Variants in KRT75 observed in about 807,000 individuals in gnomAD.
KRT75 encodes keratin, type II cytoskeletal 75.
In KRT75, 35 loss-of-function variants were observed where a neutral mutation model predicts 48.8. The observed-to-expected ratio is 0.72, with a 90% CI of 0.55 to 0.95. The LOEUF (loss-of-function observed/expected upper bound fraction) is 0.95. KRT75 is among the 40% of genes least tolerant of loss of function. The pLI is 0.00. For synonymous variants in KRT75, 301 were observed against 282.3 expected (o/e 1.07, Z -0.66); for missense variants, 776 against 709.9 (o/e 1.09, Z -1.06).
chr12:52,433,857 G>T lies in KRT75; in HGVS notation c.448C>A (p.Arg150Ser). The T allele has an allele frequency of 1.9e-6, 3 of 1,614,140 alleles. No individual in the cohort carries two copies. Among genetic ancestry groups the T allele is most frequent in the Non-Finnish European group, 1.7e-6 (2 of 1,180,018 alleles). The change falls in exon 1 of 9, where the codon CGC becomes AGC. Residue 150 changes from arginine to serine, a missense_variant. By Grantham distance (110) the Arg-to-Ser change is moderately radical. Coordinates refer to ENST00000252245, the MANE Select transcript of KRT75 (RefSeq NM_004693.3). ...TTGTTGAGGGTCTTGATCTGCTCGC[G>T]CTCCTCGGCCCGCACCCGCTGGATG... ...PTIQRVRAEE[R>S]EQIKTLNNKF...
In KRT75 at chr12:52,432,016, G is replaced by T. The variant is rs1940150900; in HGVS notation, c.764C>A (p.Ala255Asp). 6.2e-7 allele frequency: 1 copy of T among 1,613,974 alleles called. No homozygotes were observed. Among genetic ancestry groups the T allele is most frequent in the Admixed American group, 1.7e-5 (1 of 60,000 alleles). ...AACATCCCCACTCACCTTTTTCAGG[G>T]CTACAAATTCATTCTCAGCAGCTGT... ...KRTAAENEFV[A>D]LKKDVDAAYM... The change falls in exon 3 of 9, where the codon GCC (alanine) becomes GAC (aspartate). Residue 255 changes from alanine (A) to aspartate (D), a missense_variant. Ala to Asp is a moderately radical substitution (Grantham distance 126). Coordinates refer to ENST00000252245, the MANE Select transcript of KRT75 (RefSeq NM_004693.3).
intron 3 of KRT75, 150 bp downstream of exon 3, chr12:52,431,856 A>T (rs1565793068): frequency 2.4e-6 from 2 of 827,508 alleles, no homozygotes; most frequent in South Asian, 1.4e-5. Flanking sequence ...CCATCAACGT[A>T]GAGGGAACAT....
At chr12:52,426,722 A>T in intron 8 of KRT75, 95 bp downstream of exon 8, 1 of 1,261,080 alleles carries the variant, frequency 7.9e-7, no homozygotes. Flanking sequence ...GATCCCGTCT[A>T]ACCCGTCATA....
rs769852704 is a variant in KRT75, at chr12:52,430,611, T to C, written c.965A>G (p.Glu322Gly). ...RNLDLDSIIAEVKAQYEDIAN... is the reference protein window; with the variant it reads ...RNLDLDSIIAGVKAQYEDIAN... Reference sequence around the variant, plus strand: ...AATGTCCTCGTATTGTGCTTTGACCTCGGCGATGATACTATCCAGGTCCAG... The same window carrying C: ...AATGTCCTCGTATTGTGCTTTGACCCCGGCGATGATACTATCCAGGTCCAG... Residue 322 changes from glutamate to glycine, a missense_variant, in exon 5 of 9, where the codon GAG becomes GGG. By Grantham distance (98) the Glu-to-Gly change is moderately conservative. Coordinates refer to ENST00000252245, the MANE Select transcript of KRT75 (RefSeq NM_004693.3). The C allele has an allele frequency of 1.2e-6, 2 of 1,614,148 alleles. No homozygotes were observed. The highest frequency in any genetic ancestry group is 1.1e-5 in the South Asian group (1 of 91,082).
intron 7 of KRT75, 58 bp downstream of exon 7, chr12:52,428,198 C>T: frequency 6.2e-7 from 1 of 1,604,558 alleles, no homozygotes; most frequent in Admixed American, 1.7e-5. Flanking sequence ...TAGGAATGCC[C>T]AGGAAGCTGA....
Position 52,434,110 on chromosome 12 carries a change from C to A in KRT75, c.195G>T (p.Leu65=), listed in dbSNP as rs745459441. The part of the protein sequence containing the change: ...ASFGSRSLYN[L]GGAKRVSING... ...TGATGGAGACCCGCTTGGCACCCCC[C>A]AGGTTGTAGAGGCTGCGGCTTCCAA... Residue 65 remains leucine, a synonymous_variant, in exon 1 of 9, where the codon CTG becomes CTT. Transcript: ENST00000252245. 2 of 1,614,158 alleles carry A rather than the reference C, an allele frequency of 1.2e-6. No individual in the cohort carries two copies. The highest frequency in any genetic ancestry group is 1.7e-6 in the Non-Finnish European group (2 of 1,180,020).
intron 6 of KRT75, 57 bp downstream of exon 6, chr12:52,428,561 A>C (rs1052044238): frequency 1.1e-5 from 17 of 1,613,980 alleles, no homozygotes; most frequent in East Asian, 4.5e-5. Context: ...TAAAGATGGC[A>C]GAAAGGCCCA....
chr12:52,433,913 A>G lies in KRT75; in HGVS notation c.392T>C (p.Leu131Pro), dbSNP rs1399698403. 7 of 1,614,188 alleles carry G rather than the reference A, an allele frequency of 4.3e-6. No homozygotes were observed. Among genetic ancestry groups the G allele is most frequent in the Non-Finnish European group, 5.1e-6 (6 of 1,180,018 alleles). The change falls in exon 1 of 9, where the codon CTG becomes CCG. Residue 131 changes from leucine to proline, a missense_variant. Leu to Pro is a moderately conservative substitution (Grantham distance 98, BLOSUM62 -3). Coordinates refer to ENST00000252245, the MANE Select transcript of KRT75 (RefSeq NM_004693.3). ...GTCGATTTGCAGGTGAAGAGGAGTC[A>G]GGAGACTCTGGTTGACAGTGACCTC... ...IQEVTVNQSLLTPLHLQIDPT... is the reference protein window; with the variant it reads ...IQEVTVNQSLPTPLHLQIDPT...
Position 52,426,851 on chromosome 12 carries a change from C to A in KRT75, c.1383G>T (p.Arg461Ser). The change falls in exon 8 of 9, where the codon AGG becomes AGT. Residue 461 changes from arginine to serine, a missense_variant and splice_region_variant. Physicochemically the swap from Arg to Ser is moderately radical, Grantham distance 110. Transcript: ENST00000252245. ...YRKLLEGEEC[R>S]LSGEGVSPVN... ...CTGGAGAAACTCCCTCTCCACTCAA[C>A]CTGATTGGGAAGAGCAGGGAGAAGG... 1 of 1,613,950 alleles carries A rather than the reference C, an allele frequency of 6.2e-7. No homozygotes were observed. The highest frequency in any genetic ancestry group is 1.1e-5 in the South Asian group (1 of 91,074).
intron 7 of KRT75, 133 bp from the exon 8 acceptor site, chr12:52,426,984 A>G (rs1478272935): frequency 2.7e-6 from 2 of 748,944 alleles, no homozygotes; most frequent in Non-Finnish European, 4.7e-6. Flanking sequence ...GAAGTAATGC[A>G]GGTTGAAATT....
chr12:52,432,969 C>T (rs1204584039), intron 2 of KRT75, 69 bp downstream of exon 2: 2 of 1,499,284 alleles, frequency 1.3e-6, no homozygotes, highest in Admixed American at 1.7e-5. Flanking sequence ...CTCCTTTGCA[C>T]CTCTCTGGTC....
At chr12:52,430,028 T>C (rs1940123370) in intron 5 of KRT75, among the ~76,000 whole-genome samples, 1 of 152,186 alleles carries the variant, frequency 6.6e-6, no homozygotes, top group Non-Finnish European at 1.5e-5. Context: ...AGCAATCTTT[T>C]GTCCCTCATG....
intron 5 of KRT75, 85 bp downstream of exon 5, chr12:52,430,456 C>T (rs975153485): frequency 3.8e-5 from 53 of 1,380,414 alleles, no homozygotes; most frequent in Middle Eastern, 2.0e-4. Context: ...TGTGCTCACA[C>T]GTTTCCTGAG....
Position 52,434,167 on chromosome 12 carries a change from G to A in KRT75, c.138C>T (p.Gly46=), listed in dbSNP as rs1238236686. ...SVARSAAGSG[G]LGRISSAGAS... is the part of the protein sequence containing the mutation. Reference sequence around the variant, plus strand: ...CCCCAGCACTGCTGATCCTTCCCAGGCCCCCACTCCCTGCTGCAGAGCGGG... The same window carrying A: ...CCCCAGCACTGCTGATCCTTCCCAGACCCCCACTCCCTGCTGCAGAGCGGG... The change falls in exon 1 of 9, where the codon GGC becomes GGT. Residue 46 remains glycine (G), a synonymous_variant. Transcript: ENST00000252245. 4 of 1,613,048 alleles carry A rather than the reference G, an allele frequency of 2.5e-6. No homozygotes were observed. Among genetic ancestry groups the A allele is most frequent in the African/African-American group, 1.3e-5 (1 of 74,918 alleles).
chr12:52,426,795 C>A (rs775494193), intron 8 of KRT75, 22 bp downstream of exon 8: 2 of 1,613,186 alleles, frequency 1.2e-6, no homozygotes, highest in Non-Finnish European at 1.7e-6. Context: ...TCCAAATGGC[C>A]CAAGAAGTAT....
In KRT75 at chr12:52,434,121, G is replaced by C; in HGVS notation, c.184C>G (p.Leu62Val). Residue 62 changes from leucine (L) to valine (V), a missense_variant, in exon 1 of 9, where the codon CTC becomes GTC. Transcript: ENST00000252245. ...CGCTTGGCACCCCCCAGGTTGTAGA[G>C]GCTGCGGCTTCCAAAGCTGGCCCCA... ...SAGASFGSRS[L>V]YNLGGAKRVS... 1 of 1,614,140 alleles carries C rather than the reference G, an allele frequency of 6.2e-7. No homozygotes were observed. Among genetic ancestry groups the C allele is most frequent in the Non-Finnish European group, 8.5e-7 (1 of 1,180,022 alleles).
Position 52,428,669 on chromosome 12 carries a change from C to T in KRT75, c.1110G>A (p.Met370Ile). Residue 370 changes from methionine (M) to isoleucine (I), a missense_variant, in exon 6 of 9, where the codon ATG (methionine) becomes ATA (isoleucine). By Grantham distance (10) the Met-to-Ile change is conservative. Transcript: ENST00000252245. ...CTCTCAGCCTCTGGATCATGCGGTT[C>T]ATTTCAGAGATCTCTTGTTTGGTGT... ...LRNTKQEISE[M>I]NRMIQRLRAE... The T allele has an allele frequency of 6.2e-7, 1 of 1,614,228 alleles. No homozygotes were observed. Among genetic ancestry groups the T allele is most frequent in the Non-Finnish European group, 8.5e-7 (1 of 1,180,048 alleles).
At position 52,433,868 on chromosome 12, in the gene KRT75, C is replaced by T. The variant is rs772895534; in HGVS notation, c.437G>A (p.Arg146Gln). 1.0e-4 allele frequency: 163 copies of T among 1,614,000 alleles called. No individual in the cohort carries two copies. The highest frequency in any genetic ancestry group is 1.4e-4 in the South Asian group (13 of 91,080). Reference protein sequence around the residue: ...LQIDPTIQRVRAEEREQIKTL... With the variant: ...LQIDPTIQRVQAEEREQIKTL... ...CTTGATCTGCTCGCGCTCCTCGGCC[C>T]GCACCCGCTGGATGGTGGGGTCGAT... The change falls in exon 1 of 9, where the codon CGG (arginine) becomes CAG (glutamine). Residue 146 changes from arginine (R) to glutamine (Q), a missense_variant. Coordinates refer to ENST00000252245, the MANE Select transcript of KRT75 (RefSeq NM_004693.3).
intron 8 of KRT75, among the ~76,000 whole-genome samples, chr12:52,426,179 G>T (rs143171620): frequency 6.6e-6 from 1 of 152,174 alleles, no homozygotes; most frequent in African/African-American, 2.4e-5. Flanking sequence ...TGAGCTCTGC[G>T]AATGACCACT....
Sources: allele counts gnomAD v4.1 joint callset (sites outside exome capture counted in the v4.1 genomes callset), GRCh38; gene constraint gnomAD v4.1.1; transcripts MANE v1.5; gene names NCBI Gene and HGNC (gene_info 2026-07-23, HGNC 2026-07-21).